The following ISCU variants were observed in gnomAD, a reference collection of about 807,000 sequenced individuals.
ISCU encodes iron-sulfur cluster assembly enzyme, also known as iron-sulfur cluster assembly enzyme ISCU.
ISCU carries 13 observed loss-of-function variants against 18.4 expected under a neutral mutation model. That is an observed-to-expected ratio of 0.71 (90% CI 0.46 to 1.12). The LOEUF (loss-of-function observed/expected upper bound fraction) is 1.12. ISCU is among the 50% of genes most tolerant of loss of function. ISCU has a pLI of 0.00. For synonymous variants in ISCU, 104 were observed against 87.5 expected, an observed-to-expected ratio of 1.19 and a Z score of -1.06; for missense variants, 229 against 208.7, an observed-to-expected ratio of 1.10 and a Z score of -0.60.
Position 108,562,639 on chromosome 12 carries a change from C to G in ISCU, c.17C>G (p.Ala6Gly), listed in dbSNP as rs764795692. Reference protein sequence around the residue: MAAAGAFRLRRAASAL... With the variant: MAAAGGFRLRRAASAL... ...GCCGGCAAGATGGCGGCGGCTGGGGCTTTCCGTCTGAGGCGGGCGGCATCG... is the reference window on the plus strand; with the variant it reads ...GCCGGCAAGATGGCGGCGGCTGGGGGTTTCCGTCTGAGGCGGGCGGCATCG... The change falls in exon 1 of 5, where the codon GCT (alanine) becomes GGT (glycine). Residue 6 changes from alanine to glycine, a missense_variant. By Grantham distance (60) the Ala-to-Gly change is moderately conservative (BLOSUM62 0). Transcript: ENST00000311893. 15 of 1,481,446 alleles carry G rather than the reference C, an allele frequency of 1.0e-5. No homozygotes were observed. The highest frequency in any genetic ancestry group is 1.2e-5 in the Non-Finnish European group (14 of 1,123,628). The allele number at this position is 1,481,446 out of a possible 1,614,324, so 91.8% of individuals were successfully genotyped here. A position where few individuals can be genotyped will look rare whatever the true frequency, so the allele number is the denominator to read the frequency against.
chr12:108,564,017 T>G, intron 1 of ISCU: 2 of 1,310,252 alleles, frequency 1.5e-6, no homozygotes, highest in Non-Finnish European at 2.2e-6. Flanking sequence ...GTAAAAATCC[T>G]ATGGAACTAA....
chr12:108,566,394 A>G (rs1457023124), intron 3 of ISCU, among the ~76,000 whole-genome samples: 4 of 152,266 alleles, frequency 2.6e-5, no homozygotes, highest in Non-Finnish European at 5.9e-5. Flanking sequence ...GGGACTGTGA[A>G]TTGTGATCAG....
In ISCU at chr12:108,568,827, C is replaced by T. The variant is rs2031020632; in HGVS notation, c.419-4C>T. The T allele has an allele frequency of 6.2e-7, 1 of 1,612,242 alleles. No homozygotes were observed. On this transcript the variant is annotated splice_polypyrimidine_tract_variant and splice_region_variant and intron_variant, in intron 4 of 4. Transcript: ENST00000311893. Reference sequence around the variant, plus strand: ...TTAGGCTTCTTTCCTTCCGTTACTTCCAGTGCTGGCTGAAGATGCAATCAA... The same window carrying T: ...TTAGGCTTCTTTCCTTCCGTTACTTTCAGTGCTGGCTGAAGATGCAATCAA...
rs767182977 is a variant in ISCU, at chr12:108,567,225, C to T, written c.375C>T (p.Ile125=). The part of the protein sequence containing the change: ...EEALTIKNTD[I]AKELCLPPVK... ...CCTTGACTATCAAAAACACAGATAT[C>T]GCCAAGGAGCTCTGCCTTCCTCCCG... Residue 125 remains isoleucine, a synonymous_variant, in exon 4 of 5, where the codon ATC becomes ATT. Coordinates refer to ENST00000311893, the MANE Select transcript of ISCU (RefSeq NM_213595.4). The T allele has an allele frequency of 4.3e-6, 7 of 1,613,960 alleles. No individual in the cohort carries two copies. Among genetic ancestry groups the T allele is most frequent in the Admixed American group, 3.3e-5 (2 of 60,012 alleles).
At chr12:108,568,313 TA>T (rs1232185081) in intron 4 of ISCU, 2 of 1,094,026 alleles carry the variant, frequency 1.8e-6, no homozygotes. Context: ...TATTGACTCC[TA>T]AATAAAAGTG....
chr12:108,568,627 CT>C (rs2031009778), intron 4 of ISCU: 1 of 1,428,368 alleles, frequency 7.0e-7, no homozygotes, highest in Non-Finnish European at 9.1e-7. Flanking sequence ...TAACCCTAGT[CT>C]GTCTCCAGGA....
Position 108,562,712 on chromosome 12 carries a change from C to T in ISCU, c.90C>T (p.Ala30=), listed in dbSNP as rs961828853. The change falls in exon 1 of 5, where the codon GCC becomes GCT. Residue 30 remains alanine (A), a synonymous_variant. Transcript: ENST00000311893. The part of the protein sequence containing the change: ...SPRLPARELS[A]PARLYHKKVV... ...GCCTGCCCGCCCGGGAGCTGTCGGC[C>T]CCGGCCCGACTCTATCACAAGAAGG... 5.4e-6 allele frequency: 8 copies of T among 1,490,558 alleles called. No individual in the cohort carries two copies. The Admixed American group carries it at 1.6e-4, about 30-fold the overall frequency. The allele number at this position is 1,490,558 out of a possible 1,614,324, so 92.3% of individuals were successfully genotyped here. A position where few individuals can be genotyped will look rare whatever the true frequency, so the allele number is the denominator to read the frequency against.
rs1313349577 is a variant in ISCU at position 108,569,325 on chromosome 12, C to CAT, written c.*420_*421dup. On this transcript the variant is annotated 3_prime_UTR_variant, in exon 5 of 5. Transcript: ENST00000311893. The stretch of plus-strand genomic sequence containing the variant: ...ATTGTTGTACATAAAACAGATTGCG[C>CAT]ATATATATATATGTATAAAAAATAA... The CAT allele has an allele frequency of 3.0e-4, 56 of 189,428 alleles. 1 individual carries two copies. Among genetic ancestry groups the CAT allele is most frequent in the Admixed American group, 5.0e-4 (9 of 18,116 alleles). 11.7% of individuals were successfully genotyped at this position (189,428 alleles called of 1,614,324 possible). A position where few individuals can be genotyped will look rare whatever the true frequency, so the allele number is the denominator to read the frequency against.
intron 2 of ISCU, 62 bp downstream of exon 2, chr12:108,564,454 G>A (rs919316260): frequency 2.1e-5 from 24 of 1,133,120 alleles, no homozygotes; most frequent in African/African-American, 7.7e-5. Flanking sequence ...AAGCACTTGC[G>A]CATTTCACTT....
chr12:108,564,359 G>A lies in ISCU; in HGVS notation c.195G>A (p.Gly65=), dbSNP rs1266260193. The A allele has an allele frequency of 6.2e-7, 1 of 1,613,994 alleles. No individual in the cohort carries two copies. ...TSKNVGTGLV[G]APACGDVMKL... is the part of the protein sequence containing the mutation. ...AAAATGTTGGAACTGGACTGGTGGGGGCTCCAGCATGTGGTGACGTAATGA... is the reference window on the plus strand; with the variant it reads ...AAAATGTTGGAACTGGACTGGTGGGAGCTCCAGCATGTGGTGACGTAATGA... Residue 65 remains glycine, a synonymous_variant, in exon 2 of 5, where the codon GGG becomes GGA. Transcript: ENST00000311893.
At position 108,562,739 on chromosome 12, in the gene ISCU, A is replaced by ATCTCAAATCT; in HGVS notation, c.114+3_114+4insTCTCAAATCT. On this transcript the variant is annotated splice_donor_region_variant and intron_variant, in intron 1 of 4. Transcript: ENST00000311893. ...CGGCCCGACTCTATCACAAGAAGGT[A>ATCTCAAATCT]GGGACAAAAGAGGGACGCGCGGAAT... 1 of 1,318,976 alleles carries ATCTCAAATCT rather than the reference A, an allele frequency of 7.6e-7. No homozygotes were observed. Among genetic ancestry groups the ATCTCAAATCT allele is most frequent in the Non-Finnish European group, 9.5e-7 (1 of 1,050,370 alleles). The allele number at this position is 1,318,976 out of a possible 1,614,324, so 81.7% of individuals were successfully genotyped here. A position where few individuals can be genotyped will look rare whatever the true frequency, so the allele number is the denominator to read the frequency against.
intron 3 of ISCU, 97 bp from the exon 4 acceptor site, chr12:108,567,093 C>A: frequency 4.5e-6 from 4 of 879,338 alleles, no homozygotes; most frequent in Admixed American, 1.8e-5. Context: ...TCATCCCCAC[C>A]AACCCTGAGA....
chr12:108,566,705 G>C (rs1048104395), intron 3 of ISCU, among the ~76,000 whole-genome samples: 1 of 152,184 alleles, frequency 6.6e-6, no homozygotes, highest in South Asian at 2.1e-4. Flanking sequence ...AGAGCATTCG[G>C]CCTGACTCGG....
In ISCU at chr12:108,563,663, C is replaced by G. The variant is rs373153197; in HGVS notation, c.115-616C>G. 7.4e-4 allele frequency: 200 copies of G among 269,684 alleles called. 2 individuals are homozygous for G. In the South Asian group the frequency reaches 7.5e-3, roughly 10 times the overall value. 16.7% of individuals were successfully genotyped at this position (269,684 alleles called of 1,614,324 possible). A position where few individuals can be genotyped will look rare whatever the true frequency, so the allele number is the denominator to read the frequency against. ...CAAGGGCTTCTTCACTCCTCCCCCT[C>G]CCGGGGGTGTGTTTTGTTGAGGGTA... On this transcript the variant is annotated intron_variant, in intron 1 of 4. Transcript: ENST00000311893.
At chr12:108,566,686 A>T (rs2030912374) in intron 3 of ISCU, among the ~76,000 whole-genome samples, 1 of 152,206 alleles carries the variant, frequency 6.6e-6, no homozygotes, top group African/African-American at 2.4e-5. Context: ...GGCAAAGGGG[A>T]CACCAAAGAG....
In ISCU at chr12:108,564,309, G is replaced by T; in HGVS notation, c.145G>T (p.Val49Leu). 1 of 1,614,052 alleles carries T rather than the reference G, an allele frequency of 6.2e-7. No homozygotes were observed. Among genetic ancestry groups the T allele is most frequent in the Non-Finnish European group, 8.5e-7 (1 of 1,179,910 alleles). Residue 49 changes from valine to leucine, a missense_variant, in exon 2 of 5, where the codon GTG becomes TTG. Val to Leu is a conservative substitution (Grantham distance 32). Coordinates refer to ENST00000311893, the MANE Select transcript of ISCU (RefSeq NM_213595.4). ...TGATCATTATGAAAATCCTAGAAAC[G>T]TGGGGTCCCTTGACAAGACATCTAA... is the stretch of plus-strand genomic sequence containing the variant. ...VVDHYENPRN[V>L]GSLDKTSKNV...
upstream of ISCU, chr12:108,562,519 G>C (rs2030626599): frequency 1.6e-6 from 1 of 607,894 alleles, no homozygotes; most frequent in Non-Finnish European, 2.5e-6. Flanking sequence ...CAGGCGCAAA[G>C]CTTCGGTGAC....
chr12:108,563,901 T>A (rs1362308065), intron 1 of ISCU: 1 of 652,156 alleles, frequency 1.5e-6, no homozygotes, highest in African/African-American at 1.8e-5. Flanking sequence ...TTTTTAGAAT[T>A]TTTAAATAGT....
At position 108,568,972 on chromosome 12, in the gene ISCU, G is replaced by GCAGT. The variant is rs2031029535; in HGVS notation, c.*59_*62dup. Reference sequence around the variant, plus strand: ...ACACCAGCTGTTTCCCACCTGCTGTGCAGTCACCTTAGATGTTCAGAAGCC... The same window carrying GCAGT: ...ACACCAGCTGTTTCCCACCTGCTGTGCAGTCAGTCACCTTAGATGTTCAGAAGCC... On this transcript the variant is annotated 3_prime_UTR_variant, in exon 5 of 5. Coordinates refer to ENST00000311893, the MANE Select transcript of ISCU (RefSeq NM_213595.4). 6.9e-7 allele frequency: 1 copy of GCAGT among 1,452,614 alleles called. No homozygotes were observed. The highest frequency in any genetic ancestry group is 1.9e-5 in the Admixed American group (1 of 53,618). The allele number at this position is 1,452,614 out of a possible 1,614,324, so 90.0% of individuals were successfully genotyped here. A position where few individuals can be genotyped will look rare whatever the true frequency, so the allele number is the denominator to read the frequency against.
Sources: gnomAD v4.1 joint callset for allele counts (sites outside exome capture counted in the v4.1 genomes callset) on GRCh38, gnomAD v4.1.1 for gene constraint, MANE v1.5 for transcripts, NCBI Gene and HGNC (gene_info 2026-07-23, HGNC 2026-07-21) for gene names.